The following GPC3 variants were observed in gnomAD, a reference collection of about 807,000 sequenced individuals.
GPC3 encodes glypican 3.
In GPC3, 3 loss-of-function variants were observed where a neutral mutation model predicts 34.4. The ratio of observed to expected loss-of-function variants is 0.09; its 90% CI spans 0.04 to 0.23. The LOEUF is 0.23. GPC3 is among the 10% of genes least tolerant of loss of function. GPC3 has a pLI of 1.00. For synonymous variants in GPC3, 177 were observed against 174.0 expected (o/e 1.02, Z -0.13); for missense variants, 351 against 445.6 (o/e 0.79, Z 1.91).
chrX:133,569,595 T>C (rs2069608409), intron 7 of GPC3, among the ~76,000 whole-genome samples: 1 of 112,240 alleles, frequency 8.9e-6, no homozygotes. Context: ...CATAAATTCT[T>C]CTCTAACCAG....
intron 7 of GPC3, among the ~76,000 whole-genome samples, chrX:133,559,071 ATTTC>A (rs748520515): frequency 1.0e-4 from 11 of 110,491 alleles, no homozygotes; most frequent in East Asian, 2.9e-4. Context: ...TTTATGTAAC[ATTTC>A]TTTCTTTCTT....
At chrX:133,934,574 G>T (rs1041181408) in intron 2 of GPC3, among the ~76,000 whole-genome samples, 7 of 109,685 alleles carry the variant, frequency 6.4e-5, no homozygotes, top group African/African-American at 2.3e-4. Flanking sequence ...GTGCAGTGGG[G>T]TGATCACAGC....
At chrX:133,743,523 C>T (rs2071584241) in intron 3 of GPC3, among the ~76,000 whole-genome samples, 1 of 112,278 alleles carries the variant, frequency 8.9e-6, no homozygotes, top group Non-Finnish European at 1.9e-5. Context: ...CTTGTGGTGC[C>T]ATTGTGAGTG....
intron 2 of GPC3, among the ~76,000 whole-genome samples, chrX:133,890,208 TGTACA>T: frequency 8.9e-6 from 1 of 112,145 alleles, no homozygotes; most frequent in Non-Finnish European, 1.9e-5. Flanking sequence ...TTTTAAGAGC[TGTACA>T]GTATTCTATC....
chrX:133,683,927 T>C (rs2070970699), intron 5 of GPC3, among the ~76,000 whole-genome samples: 1 of 112,022 alleles, frequency 8.9e-6, no homozygotes, highest in African/African-American at 3.2e-5. Flanking sequence ...GAGAGATTAT[T>C]ACATGGGGGT....
At chrX:133,666,454 A>AT (rs1245067215) in intron 5 of GPC3, among the ~76,000 whole-genome samples, 5 of 112,403 alleles carry the variant, frequency 4.4e-5, no homozygotes, top group African/African-American at 1.6e-4. Context: ...AAAGCTTGCC[A>AT]TTTTTGCATC....
rs1014372014 is a variant in GPC3, at chrX:133,557,812, C to T, written c.1574-21519G>A. Among the ~76,000 whole-genome samples, 4 of 111,357 alleles carry T rather than the reference C, an allele frequency of 3.6e-5. 1 individual carries two copies. In the Admixed American group the frequency reaches 3.8e-4, roughly 11 times the overall value. ...TTTAATGCCAGCAGTAAATTCATTG[C>T]TCAGCCTGCAGATCCACAACTGCAT... On this transcript the variant is annotated intron_variant, in intron 7 of 7. Transcript: ENST00000370818.
intron 1 of GPC3, among the ~76,000 whole-genome samples, chrX:133,973,802 T>C (rs1405011859): frequency 8.9e-6 from 1 of 111,896 alleles, no homozygotes; most frequent in Non-Finnish European, 1.9e-5. Context: ...AAGCTACATA[T>C]TGTTACAGTT....
chrX:133,868,300 G>C (rs956337482), intron 2 of GPC3, among the ~76,000 whole-genome samples: 6 of 112,172 alleles, frequency 5.3e-5, no homozygotes, highest in African/African-American at 1.9e-4. Flanking sequence ...TCAGGGGTTT[G>C]AGCAGTGGTG....
rs1438679641 is a variant in GPC3, at chrX:133,856,477, ATGTAATCAAAATCACC to A, written c.337+96557_337+96572del. 3.6e-5 allele frequency among the ~76,000 whole-genome samples: 4 copies of A among 111,069 alleles called. No homozygotes were observed. The East Asian group carries it at 8.5e-4, about 24-fold the overall frequency. The stretch of plus-strand genomic sequence containing the variant: ...GAATGAACTAACATTAAGCATCTAG[ATGTAATCAAAATCACC>A]TGTAATCAAAATTACAGGTGATTTT... On this transcript the variant is annotated intron_variant, in intron 2 of 7. Transcript: ENST00000370818.
intron 3 of GPC3, among the ~76,000 whole-genome samples, chrX:133,747,138 A>G (rs557779668): frequency 1.8e-5 from 2 of 112,000 alleles, no homozygotes; most frequent in African/African-American, 6.5e-5. Flanking sequence ...ATTAAATACC[A>G]AGGACACTCC....
chrX:133,680,539 A>G (rs2070931052), intron 5 of GPC3, among the ~76,000 whole-genome samples: 1 of 112,294 alleles, frequency 8.9e-6, no homozygotes, highest in Admixed American at 9.4e-5. Context: ...TTTCTTTTCC[A>G]GGGAAATGAA....
intron 2 of GPC3, among the ~76,000 whole-genome samples, chrX:133,830,253 T>C (rs948395177): frequency 8.9e-6 from 1 of 111,913 alleles, no homozygotes; most frequent in Non-Finnish European, 1.9e-5. Flanking sequence ...ATGAGTTTAA[T>C]AAAGGCTTGA....
At chrX:133,536,321 A>G in intron 7 of GPC3, 28 bp from the exon 8 acceptor site, 3 of 1,103,704 alleles carry the variant, frequency 2.7e-6, no homozygotes, top group Non-Finnish European at 3.8e-6. Context: ...AGGATTTGAA[A>G]TGCAAGTCTA....
At chrX:133,655,409 T>C (rs183441103) in intron 6 of GPC3, among the ~76,000 whole-genome samples, 116 of 110,024 alleles carry the variant, frequency 1.1e-3, no homozygotes, top group African/African-American at 3.3e-3. Context: ...CATTGTCCTT[T>C]TGTGACTCAG....
chrX:133,604,144 T>C (rs1369809128), intron 6 of GPC3, among the ~76,000 whole-genome samples: 5 of 111,106 alleles, frequency 4.5e-5, no homozygotes, highest in African/African-American at 6.6e-5. Context: ...AGGGAAGACA[T>C]TGAAGCTCAG....
chrX:133,619,069 G>T (rs761964750), intron 6 of GPC3, among the ~76,000 whole-genome samples: 1 of 112,005 alleles, frequency 8.9e-6, no homozygotes, highest in South Asian at 3.7e-4. Flanking sequence ...TATAGAAATT[G>T]CCAATGAAAA....
Position 133,767,437 on chromosome X carries a change from C to T in GPC3, c.338-13261G>A, listed in dbSNP as rs183466489. 4.6e-3 allele frequency among the ~76,000 whole-genome samples: 518 copies of T among 112,042 alleles called. 3 individuals are homozygous for T. The highest frequency in any genetic ancestry group is 0.016 in the African/African-American group (487 of 30,839). On this transcript the variant is annotated intron_variant, in intron 2 of 7. Transcript: ENST00000370818. Reference sequence around the variant, plus strand: ...GTATGAAATCTCAGAGCTCTCAACTCTAACCATAAAACTCTGCTATTTAAT... The same window carrying T: ...GTATGAAATCTCAGAGCTCTCAACTTTAACCATAAAACTCTGCTATTTAAT...
At chrX:133,974,352 T>C (rs1402128390) in intron 1 of GPC3, among the ~76,000 whole-genome samples, 1 of 112,665 alleles carries the variant, frequency 8.9e-6, no homozygotes, top group African/African-American at 3.2e-5. Context: ...GTCCAGCCTT[T>C]CCATTTAAAT....
Sources: gnomAD v4.1 joint callset for allele counts (sites outside exome capture counted in the v4.1 genomes callset) on GRCh38, gnomAD v4.1.1 for gene constraint, MANE v1.5 for transcripts, NCBI Gene and HGNC (gene_info 2026-07-23, HGNC 2026-07-21) for gene names.